Variants in ST6GAL1 observed in about 807,000 individuals in gnomAD.
ST6GAL1 encodes the protein beta-galactoside alpha-2,6-sialyltransferase 1.
ST6GAL1 carries 20 observed loss-of-function variants against 38.0 expected under a neutral mutation model. The observed-to-expected ratio is 0.53, with a 90% CI of 0.37 to 0.77. ST6GAL1 has a LOEUF of 0.77. ST6GAL1 is among the 30% of genes least tolerant of loss of function. The pLI, the probability that ST6GAL1 is intolerant of heterozygous loss-of-function variation, is 0.00. For synonymous variants in ST6GAL1, 196 were observed against 188.2 expected (o/e 1.04, Z -0.34); for missense variants, 432 against 496.4 (o/e 0.87, Z 1.23).
intron 2 of ST6GAL1, among the ~76,000 whole-genome samples, chr3:186,966,195 C>T (rs1188541489): frequency 1.3e-5 from 2 of 152,150 alleles, no homozygotes; most frequent in Non-Finnish European, 1.5e-5. Context: ...CCATCGTGCC[C>T]GACCTAACTG....
In ST6GAL1 at chr3:186,980,625, A is replaced by AAAG. The variant is rs1715666445; in HGVS notation, c.-183+16699_-183+16700insAAG. On this transcript the variant is annotated intron_variant, in intron 2 of 7. Coordinates refer to ENST00000169298, the MANE Select transcript of ST6GAL1 (RefSeq NM_173216.2). ...TTACAAAAAAAAAAAAAAAAAAAAA[A>AAAG]TTAGCCAGGCAAGGTGGCAAGTGCC... Among the ~76,000 whole-genome samples, 6 of 138,648 alleles carry AAAG rather than the reference A, an allele frequency of 4.3e-5. No individual in the cohort carries two copies. In the South Asian group the frequency reaches 1.4e-3, roughly 32 times the overall value. The allele number at this position is 138,648 out of a possible 152,430, so 91.0% of individuals were successfully genotyped here.
chr3:186,972,000 C>T (rs1163628062), intron 2 of ST6GAL1, among the ~76,000 whole-genome samples: 4 of 152,166 alleles, frequency 2.6e-5, no homozygotes, highest in African/African-American at 9.7e-5. Flanking sequence ...GGGAAAGAAA[C>T]GAACAATGAC....
intron 5 of ST6GAL1, among the ~76,000 whole-genome samples, chr3:187,054,233 T>A (rs1248963096): frequency 6.6e-6 from 1 of 152,230 alleles, no homozygotes; most frequent in Non-Finnish European, 1.5e-5. Context: ...TATACAATCA[T>A]GTCATCTGCA....
At chr3:187,074,680 G>A (rs1017256150) in intron 7 of ST6GAL1, among the ~76,000 whole-genome samples, 1 of 152,062 alleles carries the variant, frequency 6.6e-6, no homozygotes, top group African/African-American at 2.4e-5. Context: ...AGGCTTTGGA[G>A]AGGGGAGAAT....
At chr3:186,967,230 T>C (rs537749920) in intron 2 of ST6GAL1, among the ~76,000 whole-genome samples, 5 of 152,318 alleles carry the variant, frequency 3.3e-5, no homozygotes, top group South Asian at 2.1e-4. Flanking sequence ...CTTGCTCTGT[T>C]GCCCAGGCTG....
At chr3:186,956,007 T>G (rs1714739117) in intron 1 of ST6GAL1, among the ~76,000 whole-genome samples, 3 of 152,098 alleles carry the variant, frequency 2.0e-5, no homozygotes, top group African/African-American at 7.2e-5. Context: ...TTAAACAACT[T>G]TTTCAGAGTA....
chr3:187,028,443 T>C (rs1189621486), intron 2 of ST6GAL1, among the ~76,000 whole-genome samples: 2 of 152,162 alleles, frequency 1.3e-5, no homozygotes, highest in African/African-American at 4.8e-5. Context: ...TTTGAATACA[T>C]CCAAAAAATG....
At chr3:187,051,176 G>T in intron 4 of ST6GAL1, 73 bp from the exon 5 acceptor site, 1 of 1,101,258 alleles carries the variant, frequency 9.1e-7, no homozygotes, top group Non-Finnish European at 1.4e-6. Context: ...CCCCTCCCCC[G>T]CCTCTCGTCT....
At position 187,038,825 on chromosome 3, in the gene ST6GAL1, C is replaced by T. The variant is rs1206822022; in HGVS notation, c.-99C>T. 6.6e-6 allele frequency: 1 copy of T among 152,230 alleles called. No homozygotes were observed. The highest frequency in any genetic ancestry group is 2.4e-5 in the African/African-American group (1 of 41,444). The allele number at this position is 152,230 out of a possible 1,614,324, so 9.4% of individuals were successfully genotyped here. A position where few individuals can be genotyped will look rare whatever the true frequency, so the allele number is the denominator to read the frequency against. On this transcript the variant is annotated 5_prime_UTR_variant, in exon 3 of 8. Coordinates refer to ENST00000169298, the MANE Select transcript of ST6GAL1 (RefSeq NM_173216.2). ...CCTCCCATGGATAATAGTGCTAATT[C>T]CTGAGGACCTGAAGGGCCTGCCGCC...
rs567105840 is a variant in ST6GAL1, at chr3:187,071,140, A to G, written c.706-1709A>G. ...CATTGATTAGGTCTCAGCCTTGGCG[A>G]TGTAGACTGAGGTGGAGAGGGATTA... is the stretch of plus-strand genomic sequence containing the variant. On this transcript the variant is annotated intron_variant, in intron 5 of 7. Transcript: ENST00000169298. Among the ~76,000 whole-genome samples the G allele has an allele frequency of 5.9e-5, 9 of 152,224 alleles. No homozygotes were observed. The South Asian group carries it at 1.5e-3, about 25-fold the overall frequency.
At chr3:187,073,964 G>C (rs1408936813) in intron 6 of ST6GAL1, 195 bp from the exon 7 acceptor site, 1 of 482,102 alleles carries the variant, frequency 2.1e-6, no homozygotes, top group Non-Finnish European at 3.5e-6. Flanking sequence ...CTATAGGCTA[G>C]GCCCCACCCT....
rs1034260624 is a variant in ST6GAL1, at chr3:187,076,483, G to A, written c.*680G>A. The A allele has an allele frequency of 3.9e-5, 8 of 204,584 alleles. No homozygotes were observed. Among genetic ancestry groups the A allele is most frequent in the Non-Finnish European group, 5.8e-5 (6 of 103,822 alleles). 12.7% of individuals were successfully genotyped at this position (204,584 alleles called of 1,614,324 possible). A position where few individuals can be genotyped will look rare whatever the true frequency, so the allele number is the denominator to read the frequency against. ...AGGATACAGTGTCTATCCTCAAGTTGCTACGGTTCAGTGAGAGAGGCAGAC... is the reference window on the plus strand; with the variant it reads ...AGGATACAGTGTCTATCCTCAAGTTACTACGGTTCAGTGAGAGAGGCAGAC... On this transcript the variant is annotated 3_prime_UTR_variant, in exon 8 of 8. Coordinates refer to ENST00000169298, the MANE Select transcript of ST6GAL1 (RefSeq NM_173216.2).
chr3:186,999,742 G>A (rs931534171), intron 2 of ST6GAL1, among the ~76,000 whole-genome samples: 5 of 152,120 alleles, frequency 3.3e-5, no homozygotes, highest in African/African-American at 7.2e-5. Context: ...GGTAAGTGGA[G>A]TAGGAGGGCC....
intron 4 of ST6GAL1, among the ~76,000 whole-genome samples, chr3:187,050,743 G>T (rs1022202273): frequency 1.4e-5 from 2 of 143,940 alleles, no homozygotes; most frequent in African/African-American, 3.0e-5. Context: ...GGTTGTCTTG[G>T]ATGCCATAGT....
chr3:187,061,494 A>G (rs545509750), intron 5 of ST6GAL1, among the ~76,000 whole-genome samples: 6 of 152,202 alleles, frequency 3.9e-5, no homozygotes, highest in Admixed American at 2.6e-4. Context: ...TGTTACAATA[A>G]TCGAGAGAGT....
At position 187,051,278 on chromosome 3, in the gene ST6GAL1, G is replaced by A. The variant is rs1190289289; in HGVS notation, c.637G>A (p.Gly213Arg). Residue 213 changes from glycine to arginine, a missense_variant, in exon 5 of 8, where the codon GGG (glycine) becomes AGG (arginine). Physicochemically the swap from Gly to Arg is moderately radical, Grantham distance 125. Transcript: ENST00000169298. ...TCATGACGCAGTCCTGAGGTTTAAT[G>A]GGGCACCCACAGCCAACTTCCAACA... ...DDHDAVLRFN[G>R]APTANFQQDV... is the part of the protein sequence containing the mutation. 6.2e-7 allele frequency: 1 copy of A among 1,613,522 alleles called. No individual in the cohort carries two copies. The highest frequency in any genetic ancestry group is 8.5e-7 in the Non-Finnish European group (1 of 1,179,788).
intron 1 of ST6GAL1, among the ~76,000 whole-genome samples, chr3:186,941,820 A>G (rs751129974): frequency 5.3e-5 from 8 of 151,952 alleles, no homozygotes; most frequent in East Asian, 3.9e-4. Flanking sequence ...AGACCATCCT[A>G]GCTAACACAG....
At chr3:186,996,892 C>T (rs1038293367) in intron 2 of ST6GAL1, among the ~76,000 whole-genome samples, 1 of 151,728 alleles carries the variant, frequency 6.6e-6, no homozygotes, top group East Asian at 1.9e-4. Context: ...CACTGGTATC[C>T]TGCACTTTCC....
intron 2 of ST6GAL1, among the ~76,000 whole-genome samples, chr3:186,965,664 T>G (rs1370011892): frequency 6.6e-6 from 1 of 152,074 alleles, no homozygotes; most frequent in Admixed American, 6.5e-5. Context: ...GGAAGGGAGC[T>G]CAGGTGGAGG....
Sources: gnomAD v4.1 joint callset for allele counts (sites outside exome capture counted in the v4.1 genomes callset) on GRCh38, gnomAD v4.1.1 for gene constraint, MANE v1.5 for transcripts, NCBI Gene and HGNC (gene_info 2026-07-23, HGNC 2026-07-21) for gene names.